The following CENPC variants were observed in gnomAD, a reference collection of about 807,000 sequenced individuals.
CENPC encodes the protein centromere protein C.
A neutral mutation model predicts 112.1 loss-of-function variants in CENPC; 63 were observed. The observed-to-expected ratio is 0.56, with a 90% confidence interval of 0.46 to 0.69. The LOEUF is 0.69. Among genes scored for constraint, CENPC ranks in the 30% least tolerant of loss-of-function variants. The pLI is 0.00. For synonymous variants in CENPC, 333 were observed against 367.6 expected (o/e 0.91, Z 1.08); for missense variants, 1,000 against 1,103.8 (o/e 0.91, Z 1.33).
intron 4 of CENPC, among the ~76,000 whole-genome samples, chr4:67,535,935 G>A (rs1189521289): frequency 1.3e-5 from 2 of 152,038 alleles, no homozygotes; most frequent in East Asian, 3.9e-4. Flanking sequence ...AGGAAAAGTG[G>A]GGTCTACTAT....
intron 12 of CENPC, chr4:67,504,945 C>A: frequency 2.2e-6 from 1 of 445,228 alleles, no homozygotes. Context: ...CATGTATACC[C>A]TTATTAGCTT....
chr4:67,534,234 G>A (rs1413804088), intron 4 of CENPC, among the ~76,000 whole-genome samples: 1 of 152,066 alleles, frequency 6.6e-6, no homozygotes, highest in African/African-American at 2.4e-5. Flanking sequence ...TGATCAATAT[G>A]GTGAAACCTT....
intron 17 of CENPC, among the ~76,000 whole-genome samples, chr4:67,476,014 G>A (rs966628167): frequency 9.2e-5 from 14 of 152,128 alleles, no homozygotes; most frequent in Admixed American, 9.2e-4. Context: ...AAATCGTATT[G>A]CCTAGTGACC....
intron 17 of CENPC, among the ~76,000 whole-genome samples, chr4:67,480,951 C>A (rs577241908): frequency 6.6e-6 from 1 of 152,014 alleles, no homozygotes; most frequent in Non-Finnish European, 1.5e-5. Context: ...CCAGAGCAAT[C>A]GGACAAAGGA....
Position 67,545,364 on chromosome 4 carries a change from C to T in CENPC, c.-9G>A. The T allele has an allele frequency of 1.3e-6, 2 of 1,524,766 alleles. No individual in the cohort carries two copies. The highest frequency in any genetic ancestry group is 1.8e-6 in the Non-Finnish European group (2 of 1,132,748). The allele number at this position is 1,524,766 out of a possible 1,614,324, so 94.5% of individuals were successfully genotyped here. A position where few individuals can be genotyped will look rare whatever the true frequency, so the allele number is the denominator to read the frequency against. On this transcript the variant is annotated 5_prime_UTR_variant, in exon 1 of 19. Coordinates refer to ENST00000273853, the MANE Select transcript of CENPC (RefSeq NM_001812.4). ...AGACCGGACGCAGCCATGTTCCGGCCCCGCTGAGCCAGCGCAACTGTCTGA... is the reference window on the plus strand; with the variant it reads ...AGACCGGACGCAGCCATGTTCCGGCTCCGCTGAGCCAGCGCAACTGTCTGA...
intron 5 of CENPC, among the ~76,000 whole-genome samples, chr4:67,525,211 C>A (rs1029155349): frequency 4.6e-5 from 7 of 152,172 alleles, no homozygotes; most frequent in South Asian, 2.1e-4. Flanking sequence ...TAAGACCTAA[C>A]ATCATAAAAA....
chr4:67,509,509 TA>T (rs1452372668), intron 9 of CENPC, among the ~76,000 whole-genome samples: 3 of 152,138 alleles, frequency 2.0e-5, no homozygotes, highest in African/African-American at 7.2e-5. Flanking sequence ...CTGACACCTA[TA>T]ATATCCATCT....
At chr4:67,526,565 C>T (rs758292924) in intron 5 of CENPC, among the ~76,000 whole-genome samples, 28 of 151,804 alleles carry the variant, frequency 1.8e-4, no homozygotes, top group Non-Finnish European at 3.1e-4. Flanking sequence ...ATGATTTCAC[C>T]GGAGACTGTT....
intron 4 of CENPC, among the ~76,000 whole-genome samples, chr4:67,534,004 C>A (rs180841468): frequency 1.1e-3 from 162 of 152,234 alleles, no homozygotes; most frequent in African/African-American, 3.6e-3. Context: ...TGCCACTGCA[C>A]TCCAGCAACA....
At chr4:67,475,873 G>C (rs576250687) in intron 17 of CENPC, among the ~76,000 whole-genome samples, 45 of 152,316 alleles carry the variant, frequency 3.0e-4, no homozygotes, top group Non-Finnish European at 4.4e-5. Flanking sequence ...ACAGGTGTGA[G>C]CCACCGCGCC....
intron 1 of CENPC, 55 bp from the exon 2 acceptor site, chr4:67,544,250 T>A: frequency 1.0e-6 from 1 of 988,966 alleles, no homozygotes. Context: ...TCGAGTAAAA[T>A]TTATTTTCAA....
In CENPC at chr4:67,468,930, T is replaced by C. The variant is rs1057167538; in HGVS notation, c.*3675A>G. On this transcript the variant is annotated 3_prime_UTR_variant, in exon 19 of 19. Coordinates refer to ENST00000273853, the MANE Select transcript of CENPC (RefSeq NM_001812.4). ...AAAGGTCATACACTATATTATTCCA[T>C]TGCTACAACAATATATAAGTGACAA... 3.9e-5 allele frequency: 6 copies of C among 152,192 alleles called. No individual in the cohort carries two copies. The highest frequency in any genetic ancestry group is 1.2e-4 in the African/African-American group (5 of 41,450). 9.4% of individuals were successfully genotyped at this position (152,192 alleles called of 1,614,324 possible). A position where few individuals can be genotyped will look rare whatever the true frequency, so the allele number is the denominator to read the frequency against.
chr4:67,497,657 C>T (rs1725474060), intron 12 of CENPC, among the ~76,000 whole-genome samples: 4 of 152,050 alleles, frequency 2.6e-5, no homozygotes, highest in Admixed American at 1.3e-4. Context: ...CTCAGCCCGC[C>T]GAGTAGCCGG....
chr4:67,515,631 G>C (rs1338987818), intron 7 of CENPC, among the ~76,000 whole-genome samples: 3 of 151,940 alleles, frequency 2.0e-5, no homozygotes, highest in African/African-American at 4.9e-5. Context: ...TAGACCTACA[G>C]AACTATAAAA....
chr4:67,504,911 C>A, intron 12 of CENPC: 1 of 318,554 alleles, frequency 3.1e-6, no homozygotes, highest in Non-Finnish European at 5.7e-6. Flanking sequence ...CTTCAGTAAT[C>A]ATCAACAGAT....
intron 4 of CENPC, among the ~76,000 whole-genome samples, chr4:67,532,689 T>C (rs1365219071): frequency 6.6e-6 from 1 of 151,634 alleles, no homozygotes; most frequent in Non-Finnish European, 1.5e-5. Context: ...TAGATGGGAA[T>C]TGAACAATGA....
intron 4 of CENPC, among the ~76,000 whole-genome samples, chr4:67,538,608 A>G (rs1010082858): frequency 1.3e-5 from 2 of 152,216 alleles, no homozygotes; most frequent in African/African-American, 4.8e-5. Context: ...TTTGCAGGAT[A>G]AAGTACTGGA....
chr4:67,507,886 A>G (rs1190796830), intron 10 of CENPC, among the ~76,000 whole-genome samples: 1 of 152,186 alleles, frequency 6.6e-6, no homozygotes, highest in Non-Finnish European at 1.5e-5. Flanking sequence ...AATGGCCTGA[A>G]AAAGTGAAAC....
At chr4:67,488,601 T>C (rs927198524) in intron 17 of CENPC, among the ~76,000 whole-genome samples, 1 of 151,996 alleles carries the variant, frequency 6.6e-6, no homozygotes, top group Non-Finnish European at 1.5e-5. Context: ...TTACACACTT[T>C]TAAACATCTG....
Sources: gnomAD v4.1 joint callset for allele counts (sites outside exome capture counted in the v4.1 genomes callset) on GRCh38, gnomAD v4.1.1 for gene constraint, MANE v1.5 for transcripts, NCBI Gene and HGNC (gene_info 2026-07-23, HGNC 2026-07-21) for gene names.